FBLN5: variants seen among roughly 807,000 people sequenced by gnomAD.
FBLN5 encodes the protein fibulin 5, also known as fibulin-5.
Under a neutral mutation model 61.6 loss-of-function variants are expected in FBLN5, and 24 were observed. The observed-to-expected ratio is 0.39, with a 90% CI of 0.28 to 0.55. FBLN5 has a LOEUF of 0.55. Ranked by LOEUF, FBLN5 falls within the 20% of genes least tolerant of loss-of-function variation. The pLI is 0.65. For missense variants in FBLN5, 470 were observed against 594.1 expected, an observed-to-expected ratio of 0.79 and a Z score of 2.17; for synonymous variants, 213 against 219.8, an observed-to-expected ratio of 0.97 and a Z score of 0.27.
intron 7 of FBLN5, 134 bp from the exon 8 acceptor site, chr14:91,883,210 C>T (rs1889559602): frequency 1.1e-6 from 1 of 946,486 alleles, no homozygotes; most frequent in Non-Finnish European, 1.7e-6. Flanking sequence ...TGTCAATTCA[C>T]TTCTCCAGCA....
At chr14:91,879,375 G>A (rs1889313347) in intron 9 of FBLN5, among the ~76,000 whole-genome samples, 1 of 152,352 alleles carries the variant, frequency 6.6e-6, no homozygotes, top group South Asian at 2.1e-4. Flanking sequence ...AAAGGCATGA[G>A]CAAGTCCTGT....
intron 4 of FBLN5, among the ~76,000 whole-genome samples, chr14:91,920,143 C>A (rs975818449): frequency 6.6e-6 from 1 of 152,150 alleles, no homozygotes; most frequent in Admixed American, 6.5e-5. Context: ...TCCTCAGAGT[C>A]AAAAGCCAAG....
chr14:91,926,297 G>A (rs982949437), intron 4 of FBLN5, among the ~76,000 whole-genome samples: 1 of 152,190 alleles, frequency 6.6e-6, no homozygotes, highest in Admixed American at 6.5e-5. Flanking sequence ...CCCAGGGCTG[G>A]CTGCTGGAGG....
rs190017814 is a variant in FBLN5, at chr14:91,933,399, C to T, written c.379+3548G>A. 2.1e-3 allele frequency among the ~76,000 whole-genome samples: 324 copies of T among 152,160 alleles called. 1 individual carries two copies. In the East Asian group the frequency reaches 0.028, roughly 13 times the overall value. ...AAGCAATTCTCCTGCCTCAGCCTCC[C>T]GAGTAGCTGGGAAAACAGGTGCATA... On this transcript the variant is annotated intron_variant, in intron 4 of 10. Transcript: ENST00000342058.
Position 91,877,462 on chromosome 14 carries a change from G to C in FBLN5, c.1185+25C>G, listed in dbSNP as rs578237131. On this transcript the variant is annotated intron_variant, in intron 10 of 10. Transcript: ENST00000342058. ...GCACAAGGCCACTGTTACAGATGGC[G>C]TCCCCACTCCCCACTCCCTCTTACC... 1.1e-4 allele frequency: 170 copies of C among 1,583,488 alleles called. No homozygotes were observed. The South Asian group carries it at 1.8e-3, about 16-fold the overall frequency.
chr14:91,871,221 TA>T (rs55903830), intron 10 of FBLN5, among the ~76,000 whole-genome samples: 52 of 137,910 alleles, frequency 3.8e-4, no homozygotes, highest in African/African-American at 1.2e-3. Flanking sequence ...ATCAGTAATT[TA>T]AAAAAAAAAA....
chr14:91,928,699 G>A (rs1003337969), intron 4 of FBLN5, among the ~76,000 whole-genome samples: 1 of 151,730 alleles, frequency 6.6e-6, no homozygotes, highest in East Asian at 1.9e-4. Flanking sequence ...TTATGCCTGG[G>A]AGGTTGAGGA....
intron 10 of FBLN5, among the ~76,000 whole-genome samples, chr14:91,872,430 G>C (rs1333605902): frequency 1.3e-5 from 2 of 152,210 alleles, no homozygotes; most frequent in Non-Finnish European, 2.9e-5. Context: ...ATACACTGCA[G>C]AGCCCAGCCC....
chr14:91,894,825 C>CA, intron 5 of FBLN5, 125 bp downstream of exon 5: 1 of 468,116 alleles, frequency 2.1e-6, no homozygotes, highest in Non-Finnish European at 4.3e-6. Flanking sequence ...CCTTCCACCC[C>CA]TCCCGCCCTC....
At chr14:91,934,041 G>A (rs1279839516) in intron 4 of FBLN5, among the ~76,000 whole-genome samples, 2 of 152,024 alleles carry the variant, frequency 1.3e-5, no homozygotes, top group South Asian at 2.1e-4. Context: ...GAGCCCAGGA[G>A]GCAGAGGTTG....
rs896157646 is a variant in FBLN5, at chr14:91,943,015, G to C, written c.18-54C>G. The C allele has an allele frequency of 5.7e-6, 7 of 1,236,536 alleles. No homozygotes were observed. The South Asian group carries it at 7.7e-5, about 14-fold the overall frequency. 76.6% of individuals were successfully genotyped at this position (1,236,536 alleles called of 1,614,324 possible). Reference sequence around the variant, plus strand: ...GCCCAAGACAGATTCAGGTCTAGGGGAGTGTGGGTCGCATGCGGCCCGTGA... The same window carrying C: ...GCCCAAGACAGATTCAGGTCTAGGGCAGTGTGGGTCGCATGCGGCCCGTGA... On this transcript the variant is annotated intron_variant, in intron 1 of 10. Transcript: ENST00000342058. The surrounding 1 kb of genome is among the most constrained non-coding windows in gnomAD (Gnocchi z 4.0).
rs144891373 is a variant in FBLN5 at position 91,940,831 on chromosome 14, G to A, written c.73-215C>T. Reference sequence around the variant, plus strand: ...CTAAACTCCCCACACCAGGCCAGGCGCAGTGGCTCATGCATGTAATCCCAG... The same window carrying A: ...CTAAACTCCCCACACCAGGCCAGGCACAGTGGCTCATGCATGTAATCCCAG... On this transcript the variant is annotated intron_variant, in intron 2 of 10. Coordinates refer to ENST00000342058, the MANE Select transcript of FBLN5 (RefSeq NM_006329.4). Among the ~76,000 whole-genome samples, 448 of 152,162 alleles carry A rather than the reference G, an allele frequency of 2.9e-3. 3 individuals are homozygous for A. The highest frequency in any genetic ancestry group is 0.01 in the African/African-American group (425 of 41,506).
chr14:91,878,558 C>T (rs1242723945), intron 9 of FBLN5, among the ~76,000 whole-genome samples: 1 of 152,182 alleles, frequency 6.6e-6, no homozygotes, highest in African/African-American at 2.4e-5. Flanking sequence ...TGTGTTTCTG[C>T]CACTAACTTC....
intron 4 of FBLN5, among the ~76,000 whole-genome samples, chr14:91,910,047 A>G (rs72705355): frequency 2.4e-4 from 37 of 152,348 alleles, no homozygotes; most frequent in Admixed American, 7.8e-4. Flanking sequence ...AATTGTAAGC[A>G]GGATCTTGAA....
At chr14:91,923,192 T>C (rs1285314227) in intron 4 of FBLN5, among the ~76,000 whole-genome samples, 3 of 152,186 alleles carry the variant, frequency 2.0e-5, no homozygotes, top group Non-Finnish European at 2.9e-5. Context: ...GAGAAGGAAC[T>C]GGAGCACAAC....
In FBLN5 at chr14:91,884,695, CTG is replaced by C. The variant is rs1382678630; in HGVS notation, c.740-1621_740-1620del. On this transcript the variant is annotated intron_variant, in intron 7 of 10. Coordinates refer to ENST00000342058, the MANE Select transcript of FBLN5 (RefSeq NM_006329.4). ...GACACTGTAACGTCTCCCTGAGTAA[CTG>C]TGCTGAGGGATCAGCGGAGCTGGGG... Among the ~76,000 whole-genome samples the C allele has an allele frequency of 3.9e-5, 6 of 152,252 alleles. No homozygotes were observed. The South Asian group carries it at 1.0e-3, about 26-fold the overall frequency.
chr14:91,926,777 G>A (rs1013910116), intron 4 of FBLN5, among the ~76,000 whole-genome samples: 1 of 150,278 alleles, frequency 6.7e-6, no homozygotes, highest in Non-Finnish European at 1.5e-5. Context: ...ACGTGGAGTG[G>A]ATCGGGGGGA....
chr14:91,919,053 G>A (rs566244752), intron 4 of FBLN5, among the ~76,000 whole-genome samples: 5 of 152,202 alleles, frequency 3.3e-5, no homozygotes, highest in South Asian at 2.1e-4. Flanking sequence ...AATGGCAGCC[G>A]GGCACTGTGG....
intron 4 of FBLN5, among the ~76,000 whole-genome samples, chr14:91,914,287 C>T (rs575176506): frequency 4.6e-5 from 7 of 152,132 alleles, no homozygotes; most frequent in African/African-American, 1.7e-4. Flanking sequence ...ACCATCCTGG[C>T]TAACACAGTG....
Sources: gnomAD v4.1 joint callset for allele counts (sites outside exome capture counted in the v4.1 genomes callset) on GRCh38, gnomAD v4.1.1 for gene constraint, Gnocchi (gnomAD v3.1) non-coding constraint, MANE v1.5 for transcripts, NCBI Gene and HGNC (gene_info 2026-07-23, HGNC 2026-07-21) for gene names.